AK9: variants seen among roughly 807,000 people sequenced by gnomAD.
The protein encoded by AK9 is adenylate kinase 9.
Under a neutral mutation model 239.6 loss-of-function variants are expected in AK9, and 191 were observed. The observed-to-expected ratio is 0.80, with a 90% CI of 0.71 to 0.90. The LOEUF (loss-of-function observed/expected upper bound fraction) is 0.90. AK9 is among the 40% of genes least tolerant of loss of function. The pLI, the probability that AK9 is intolerant of heterozygous loss-of-function variation, is 0.00. For synonymous variants in AK9, 689 were observed against 721.0 expected (o/e 0.96, Z 0.71); for missense variants, 1,995 against 2,214.7 (o/e 0.90, Z 1.99).
At chr6:109,554,460 C>A (rs1049518972) in intron 24 of AK9, among the ~76,000 whole-genome samples, 1 of 148,414 alleles carries the variant, frequency 6.7e-6, no homozygotes, top group Admixed American at 6.7e-5. Context: ...TTCATTTCTT[C>A]TAGATTTTCT....
At chr6:109,662,009 T>C (rs1265295363) in intron 6 of AK9, among the ~76,000 whole-genome samples, 2 of 152,226 alleles carry the variant, frequency 1.3e-5, no homozygotes, top group African/African-American at 2.4e-5. Flanking sequence ...ATTCATGTCA[T>C]GTGTCTATTC....
Position 109,630,403 on chromosome 6 carries a change from A to G in AK9, c.1254+2520T>C, listed in dbSNP as rs1212526531. ...ATCTCAAAAGATTTTTCTACATAAAATTGCAAAGGGCTAAGAATAGCCAAT... is the reference window on the plus strand; with the variant it reads ...ATCTCAAAAGATTTTTCTACATAAAGTTGCAAAGGGCTAAGAATAGCCAAT... On this transcript the variant is annotated intron_variant, in intron 12 of 40. Transcript: ENST00000424296. Among the ~76,000 whole-genome samples, 3 of 152,344 alleles carry G rather than the reference A, an allele frequency of 2.0e-5. No homozygotes were observed. The East Asian group carries it at 5.8e-4, about 29-fold the overall frequency.
intron 35 of AK9, among the ~76,000 whole-genome samples, chr6:109,499,619 A>G (rs1367363585): frequency 6.7e-6 from 1 of 150,032 alleles, no homozygotes; most frequent in East Asian, 2.0e-4. Context: ...TTTTTTTTTG[A>G]GATGGAGTCT....
chr6:109,661,946 A>G (rs1449808067), intron 6 of AK9, among the ~76,000 whole-genome samples: 2 of 152,236 alleles, frequency 1.3e-5, no homozygotes, highest in Non-Finnish European at 2.9e-5. Context: ...AATTAGGAAC[A>G]AGACCCAACC....
intron 17 of AK9, among the ~76,000 whole-genome samples, chr6:109,599,684 A>AT (rs1464900566): frequency 1.3e-5 from 2 of 151,964 alleles, no homozygotes; most frequent in African/African-American, 4.8e-5. Flanking sequence ...CATTTTCACG[A>AT]TATTGATTCT....
intron 35 of AK9, among the ~76,000 whole-genome samples, chr6:109,502,672 C>T (rs956857870): frequency 6.6e-6 from 1 of 152,192 alleles, no homozygotes; most frequent in Non-Finnish European, 1.5e-5. Context: ...CTTGCCCTTT[C>T]AGGTTGTTCA....
intron 17 of AK9, among the ~76,000 whole-genome samples, chr6:109,592,693 G>A (rs984274066): frequency 9.2e-5 from 14 of 151,986 alleles, no homozygotes; most frequent in African/African-American, 1.2e-4. Flanking sequence ...TGATCCGCCC[G>A]CCTCGGCCTT....
At position 109,497,472 on chromosome 6, in the gene AK9, A is replaced by G. The variant is rs748793685; in HGVS notation, c.5308T>C (p.Phe1770Leu). The G allele has an allele frequency of 6.3e-6, 10 of 1,583,492 alleles. No individual in the cohort carries two copies. In the African/African-American group the frequency reaches 1.4e-4, roughly 21 times the overall value. The stretch of plus-strand genomic sequence containing the variant: ...GTGATTTAATGGTCTCACCTCAAAA[A>G]TTTCTGGAGTTTTTCTTTGTTCTCA... Reference protein sequence around the residue: ...ICENKEKLQKFLRSPLKYWEQ... With the variant: ...ICENKEKLQKLLRSPLKYWEQ... The change falls in exon 38 of 41, where the codon TTT (phenylalanine) becomes CTT (leucine). Residue 1770 changes from phenylalanine (F) to leucine (L), a missense_variant. Physicochemically the swap from Phe to Leu is conservative, Grantham distance 22 (BLOSUM62 0). Coordinates refer to ENST00000424296, the MANE Select transcript of AK9 (RefSeq NM_001145128.3).
chr6:109,544,883 C>G (rs1783336638), intron 26 of AK9, among the ~76,000 whole-genome samples: 1 of 152,118 alleles, frequency 6.6e-6, no homozygotes, highest in South Asian at 2.1e-4. Flanking sequence ...AGTTTATTGT[C>G]TAAGTCAGAT....
intron 8 of AK9, 123 bp from the exon 9 acceptor site, chr6:109,644,811 A>T: frequency 1.6e-6 from 1 of 641,334 alleles, no homozygotes; most frequent in Non-Finnish European, 2.4e-6. Flanking sequence ...TACATGCTAT[A>T]ATGTATGTTA....
chr6:109,555,678 A>T (rs756286482), intron 24 of AK9, among the ~76,000 whole-genome samples: 1 of 152,170 alleles, frequency 6.6e-6, no homozygotes, highest in Non-Finnish European at 1.5e-5. Flanking sequence ...TTGTTTTATG[A>T]ATCTGGCTGC....
At chr6:109,610,310 A>T in intron 17 of AK9, 55 bp downstream of exon 17, 1 of 1,511,250 alleles carries the variant, frequency 6.6e-7, no homozygotes, top group Non-Finnish European at 9.0e-7. Context: ...TTAGATTAAC[A>T]TTTTCTCAGT....
intron 10 of AK9, among the ~76,000 whole-genome samples, chr6:109,639,551 CT>C (rs1263128046): frequency 6.6e-6 from 1 of 152,126 alleles, no homozygotes; most frequent in Non-Finnish European, 1.5e-5. Context: ...GATATTAGCC[CT>C]TTGTCAGATG....
intron 35 of AK9, among the ~76,000 whole-genome samples, chr6:109,504,445 G>A (rs9487131): frequency 0.096 from 14,579 of 152,214 alleles, 1,529 homozygotes; most frequent in African/African-American, 0.26. Context: ...TTTTTAGTAT[G>A]AGTATACCCT....
intron 27 of AK9, among the ~76,000 whole-genome samples, chr6:109,538,067 A>G (rs1782281525): frequency 6.6e-6 from 1 of 152,206 alleles, no homozygotes; most frequent in South Asian, 2.1e-4. Flanking sequence ...GGTGCTGAGA[A>G]GAATGTATAT....
Position 109,506,346 on chromosome 6 carries a change from G to A in AK9, c.4830C>T (p.Tyr1610=), listed in dbSNP as rs1778117301. The part of the protein sequence containing the change: ...VQMVNKYMQT[Y]LERIKAGKAA... ...TCTTACCTGCTTTTATTCTTTCCAG[G>A]TATGTCTGCATGTATTTATTCACCA... Residue 1610 remains tyrosine (Y), a synonymous_variant, in exon 35 of 41, where the codon TAC becomes TAT. Coordinates refer to ENST00000424296, the MANE Select transcript of AK9 (RefSeq NM_001145128.3). 6.2e-7 allele frequency: 1 copy of A among 1,613,250 alleles called. No individual in the cohort carries two copies. Among genetic ancestry groups the A allele is most frequent in the Non-Finnish European group, 8.5e-7 (1 of 1,179,822 alleles).
At chr6:109,686,407 G>T (rs1044473752) in intron 1 of AK9, among the ~76,000 whole-genome samples, 1 of 152,230 alleles carries the variant, frequency 6.6e-6, no homozygotes. Context: ...AAGAGGCACA[G>T]TATTTTGCAG....
At chr6:109,611,852 C>T (rs1227584332) in intron 16 of AK9, among the ~76,000 whole-genome samples, 158 bp downstream of exon 16, 1 of 152,182 alleles carries the variant, frequency 6.6e-6, no homozygotes, top group East Asian at 1.9e-4. Flanking sequence ...GCATGTCCAA[C>T]ATAATAGAGT....
At chr6:109,652,679 C>A (rs757497228) in intron 8 of AK9, among the ~76,000 whole-genome samples, 4 of 152,060 alleles carry the variant, frequency 2.6e-5, no homozygotes, top group Non-Finnish European at 5.9e-5. Flanking sequence ...AAATTACTTT[C>A]TTCTTTAATA....
Sources: gnomAD v4.1 joint callset for allele counts (sites outside exome capture counted in the v4.1 genomes callset) on GRCh38, gnomAD v4.1.1 for gene constraint, MANE v1.5 for transcripts, NCBI Gene and HGNC (gene_info 2026-07-23, HGNC 2026-07-21) for gene names.